The following GPER1 variants were observed in gnomAD, a reference collection of about 807,000 sequenced individuals.
GPER1 encodes G protein-coupled estrogen receptor 1.
GPER1 carries 2 observed loss-of-function variants against 0.6 expected under a neutral mutation model. The observed-to-expected ratio is 3.41, with a 90% confidence interval of 1.39 to 10.72. The LOEUF (loss-of-function observed/expected upper bound fraction) is 10.72. GPER1 is among the 30% of genes most tolerant of loss of function. The pLI is 0.04. For missense variants in GPER1, 441 were observed against 535.2 expected (o/e 0.82, Z 1.74); for synonymous variants, 263 against 247.6 (o/e 1.06, Z -0.58).
chr7:1,092,006 TC>T lies in GPER1; in HGVS notation c.282del (p.Asp95ThrfsTer57). On this transcript the variant is annotated frameshift_variant, in exon 2 of 2. Coordinates refer to ENST00000397088, the MANE Select transcript of GPER1 (RefSeq NM_001098201.3). LOFTEE classifies it low-confidence loss of function (END_TRUNC). The stretch of plus-strand genomic sequence containing the variant: ...ATCAGCTTCCGCGAGAAGATGACCA[TC>T]CCCGACCTGTACTTCATCAACCTGG... ...VNISFREKMT[I>X]PDLYFINLAV... 6.2e-7 allele frequency: 1 copy of T among 1,614,136 alleles called. No individual in the cohort carries two copies. Among genetic ancestry groups the T allele is most frequent in the Non-Finnish European group, 8.5e-7 (1 of 1,180,024 alleles).
At chr7:1,090,315 G>A (rs943683515) in intron 1 of GPER1, among the ~76,000 whole-genome samples, 2 of 152,242 alleles carry the variant, frequency 1.3e-5, no homozygotes, top group African/African-American at 4.8e-5. Context: ...GACTGCCAGT[G>A]TCTGCAGGCT....
Position 1,091,407 on chromosome 7 carries a change from G to A in GPER1, c.-322G>A. ...TCATCCTCTCCTGTTGCTTCTCCAG[G>A]TACCCAGAGAGTGAGCAGCTCCACG... On this transcript the variant is annotated splice_region_variant and 5_prime_UTR_variant, in exon 2 of 2. Transcript: ENST00000397088. 3.5e-6 allele frequency: 1 copy of A among 285,112 alleles called. No homozygotes were observed. Among genetic ancestry groups the A allele is most frequent in the Non-Finnish European group, 6.6e-6 (1 of 151,420 alleles). 17.7% of individuals were successfully genotyped at this position (285,112 alleles called of 1,614,324 possible). A position where few individuals can be genotyped will look rare whatever the true frequency, so the allele number is the denominator to read the frequency against.
chr7:1,092,868 C>G lies in GPER1; in HGVS notation c.*12C>G, dbSNP rs923438554. 7.5e-6 allele frequency: 12 copies of G among 1,608,872 alleles called. No homozygotes were observed. The highest frequency in any genetic ancestry group is 1.0e-5 in the Non-Finnish European group (12 of 1,177,346). On this transcript the variant is annotated 3_prime_UTR_variant, in exon 2 of 2. Transcript: ENST00000397088. ...GCAGTGCCGTGTAGACAGCCTTGGC[C>G]GCATAGGCCCAGCCAGGGTGTGACT... is the stretch of plus-strand genomic sequence containing the variant.
rs1010985650 is a variant in GPER1 at position 1,093,414 on chromosome 7, G to A, written c.*558G>A. On this transcript the variant is annotated 3_prime_UTR_variant, in exon 2 of 2. Transcript: ENST00000397088. ...GAGGAGAAGGAAAACATGCTGCTCT[G>A]GTGCACGCCTGAGCGTCCTCCATCT... 2 of 458,152 alleles carry A rather than the reference G, an allele frequency of 4.4e-6. No homozygotes were observed. The highest frequency in any genetic ancestry group is 4.6e-6 in the Non-Finnish European group (1 of 218,432). 28.4% of individuals were successfully genotyped at this position (458,152 alleles called of 1,614,324 possible).
At chr7:1,090,320 C>T (rs1466599697) in intron 1 of GPER1, among the ~76,000 whole-genome samples, 2 of 152,214 alleles carry the variant, frequency 1.3e-5, no homozygotes, top group African/African-American at 4.8e-5. Context: ...CCAGTGTCTG[C>T]AGGCTGAGAC....
rs1787665852 is a variant in GPER1 at position 1,088,945 on chromosome 7, A to C, written c.-323+624A>C. Reference sequence around the variant, plus strand: ...CTCGGTGTCTGGCAACGATCAAAAGACTCAATTTACATGGGAAAGAAATGA... The same window carrying C: ...CTCGGTGTCTGGCAACGATCAAAAGCCTCAATTTACATGGGAAAGAAATGA... On this transcript the variant is annotated intron_variant, in intron 1 of 1. Coordinates refer to ENST00000397088, the MANE Select transcript of GPER1 (RefSeq NM_001098201.3). The surrounding 1 kb of genome is among the most constrained non-coding windows in gnomAD (Gnocchi z 4.5). Among the ~76,000 whole-genome samples, 1 of 151,844 alleles carries C rather than the reference A, an allele frequency of 6.6e-6. No homozygotes were observed.
In GPER1 at chr7:1,093,799, G is replaced by T; in HGVS notation, c.*943G>T. 2.4e-6 allele frequency: 1 copy of T among 414,444 alleles called. No homozygotes were observed. The highest frequency in any genetic ancestry group is 5.1e-6 in the Non-Finnish European group (1 of 195,718). The allele number at this position is 414,444 out of a possible 1,614,324, so 25.7% of individuals were successfully genotyped here. On this transcript the variant is annotated 3_prime_UTR_variant, in exon 2 of 2. Transcript: ENST00000397088. ...ACGTTCAGCCTTTGTCAATAAACCT[G>T]TCATGTGCGGATCCTTCCGGAGGCT...
At chr7:1,090,375 C>T (rs1474526596) in intron 1 of GPER1, among the ~76,000 whole-genome samples, 1 of 152,234 alleles carries the variant, frequency 6.6e-6, no homozygotes, top group African/African-American at 2.4e-5. Flanking sequence ...CACAGTGACA[C>T]GGGGCAGGTG....
rs753418414 is a variant in GPER1, at chr7:1,092,767, G to C, written c.1039G>C (p.Ala347Pro). 3 of 1,613,616 alleles carry C rather than the reference G, an allele frequency of 1.9e-6. No homozygotes were observed. In the South Asian group the frequency reaches 3.3e-5, roughly 18 times the overall value. ...LYIEQKTNLP[A>P]LNRFCHAALK... ...CATTGAGCAGAAAACAAATTTGCCG[G>C]CCCTGAACCGCTTCTGTCACGCTGC... is the stretch of plus-strand genomic sequence containing the variant. Residue 347 changes from alanine to proline, a missense_variant, in exon 2 of 2, where the codon GCC becomes CCC. Transcript: ENST00000397088.
In GPER1 at chr7:1,093,566, C is replaced by T. The variant is rs1321126417; in HGVS notation, c.*710C>T. The T allele has an allele frequency of 2.1e-6, 1 of 471,036 alleles. No individual in the cohort carries two copies. Among genetic ancestry groups the T allele is most frequent in the East Asian group, 6.9e-5 (1 of 14,410 alleles). The allele number at this position is 471,036 out of a possible 1,614,324, so 29.2% of individuals were successfully genotyped here. On this transcript the variant is annotated 3_prime_UTR_variant, in exon 2 of 2. Transcript: ENST00000397088. ...CGTCTGCTCCGGGGTGGTTCAGTCA[C>T]TGCTTGTTGACATCAACATGGCAAT...
chr7:1,091,787 A>C lies in GPER1; in HGVS notation c.59A>C (p.Gln20Pro), dbSNP rs1788006568. The C allele has an allele frequency of 6.3e-7, 1 of 1,584,944 alleles. No homozygotes were observed. Among genetic ancestry groups the C allele is most frequent in the African/African-American group, 1.3e-5 (1 of 74,376 alleles). ...CTGGAGATGTACCCAGGCACCGCGC[A>C]GCCTGCGGCCCCCAACACCACCTCC... Reference protein sequence around the residue: ...VGLEMYPGTAQPAAPNTTSPE... With the variant: ...VGLEMYPGTAPPAAPNTTSPE... The change falls in exon 2 of 2, where the codon CAG becomes CCG. Residue 20 changes from glutamine (Q) to proline (P), a missense_variant. Gln to Pro is a moderately conservative substitution (Grantham distance 76, BLOSUM62 -1). Transcript: ENST00000397088.
chr7:1,087,281 G>C (rs541426020), upstream of GPER1: 1 of 152,360 alleles, frequency 6.6e-6, no homozygotes, highest in South Asian at 2.1e-4. Flanking sequence ...CGCGGGAGGA[G>C]GGACCTGAGG....
Position 1,091,602 on chromosome 7 carries a change from T to C in GPER1, c.-127T>C, listed in dbSNP as rs768259080. Reference sequence around the variant, plus strand: ...ACCACAGGTGCTCCTCCTGGGGAGTTTCCTGTCTGACAAATGCCAGGCTCA... The same window carrying C: ...ACCACAGGTGCTCCTCCTGGGGAGTCTCCTGTCTGACAAATGCCAGGCTCA... On this transcript the variant is annotated 5_prime_UTR_variant, in exon 2 of 2. Transcript: ENST00000397088. 5.0e-6 allele frequency: 4 copies of C among 792,752 alleles called. No individual in the cohort carries two copies. Among genetic ancestry groups the C allele is most frequent in the Non-Finnish European group, 8.3e-6 (4 of 483,552 alleles). The allele number at this position is 792,752 out of a possible 1,614,324, so 49.1% of individuals were successfully genotyped here.
upstream of GPER1, among the ~76,000 whole-genome samples, chr7:1,087,582 C>T (rs936584981): frequency 8.5e-5 from 13 of 152,354 alleles, no homozygotes; most frequent in South Asian, 8.3e-4. Flanking sequence ...TGTGTCACGA[C>T]GCTCCAACAG....
chr7:1,091,644 G>A lies in GPER1; in HGVS notation c.-85G>A, dbSNP rs188551362. On this transcript the variant is annotated 5_prime_UTR_variant, in exon 2 of 2. Coordinates refer to ENST00000397088, the MANE Select transcript of GPER1 (RefSeq NM_001098201.3). ...CCAGGCTCACTTCAAGGAGAATCAC[G>A]CTTCTTTCTAAAGATGGATTCACCA... 3.0e-5 allele frequency: 30 copies of A among 1,013,616 alleles called. No individual in the cohort carries two copies. In the Admixed American group the frequency reaches 3.1e-4, roughly 10 times the overall value. The allele number at this position is 1,013,616 out of a possible 1,614,324, so 62.8% of individuals were successfully genotyped here.
At chr7:1,089,707 CTT>C (rs71020574) in intron 1 of GPER1, among the ~76,000 whole-genome samples, 5,035 of 124,040 alleles carry the variant, frequency 0.041, 253 homozygotes, top group African/African-American at 0.13. Context: ...ATAGGCCAGC[CTT>C]TTTTTTTTTT....
Position 1,092,616 on chromosome 7 carries a change from G to C in GPER1, c.888G>C (p.Gln296His), listed in dbSNP as rs763836425. ...RTQPGAAPCK[Q>H]SFRHAHPLTG... ...AGCCTGGGGCCGCTCCCTGCAAGCA[G>C]TCTTTCCGCCATGCCCACCCCCTCA... The change falls in exon 2 of 2, where the codon CAG becomes CAC. Residue 296 changes from glutamine (Q) to histidine (H), a missense_variant. By Grantham distance (24) the Gln-to-His change is conservative (BLOSUM62 0). Transcript: ENST00000397088. 1 of 1,612,174 alleles carries C rather than the reference G, an allele frequency of 6.2e-7. No individual in the cohort carries two copies. Among genetic ancestry groups the C allele is most frequent in the Admixed American group, 1.7e-5 (1 of 60,018 alleles).
chr7:1,090,968 C>CGA (rs1787915739), intron 1 of GPER1, among the ~76,000 whole-genome samples: 1 of 138,954 alleles, frequency 7.2e-6, no homozygotes, highest in South Asian at 2.2e-4. Context: ...CTTTCTGGAC[C>CGA]CACTCTCTCT....
In GPER1 at chr7:1,093,363, G is replaced by A. The variant is rs918813989; in HGVS notation, c.*507G>A. The A allele has an allele frequency of 7.0e-6, 3 of 429,798 alleles. No homozygotes were observed. The highest frequency in any genetic ancestry group is 2.5e-5 in the Admixed American group (1 of 40,254). The allele number at this position is 429,798 out of a possible 1,614,324, so 26.6% of individuals were successfully genotyped here. ...TGTGTCCTCTGTGCCCACGGTCTGAGCTAGCTAGCGCACCGCCGAGTTAAA... is the reference window on the plus strand; with the variant it reads ...TGTGTCCTCTGTGCCCACGGTCTGAACTAGCTAGCGCACCGCCGAGTTAAA... On this transcript the variant is annotated 3_prime_UTR_variant, in exon 2 of 2. Coordinates refer to ENST00000397088, the MANE Select transcript of GPER1 (RefSeq NM_001098201.3).
Sources: gnomAD v4.1 joint callset for allele counts (sites outside exome capture counted in the v4.1 genomes callset) on GRCh38, gnomAD v4.1.1 for gene constraint, Gnocchi (gnomAD v3.1) non-coding constraint, MANE v1.5 for transcripts, NCBI Gene and HGNC (gene_info 2026-07-23, HGNC 2026-07-21) for gene names.